The following ZNF284 variants were observed in gnomAD, a reference collection of about 807,000 sequenced individuals.
ZNF284 encodes zinc finger protein 284.
ZNF284 carries 12 observed loss-of-function variants against 12.9 expected under a neutral mutation model. The observed-to-expected ratio is 0.93, with a 90% CI of 0.60 to 1.51. The LOEUF is 1.51. Ranked by LOEUF, ZNF284 falls within the 40% of genes most tolerant of loss-of-function variation. The pLI, the probability that ZNF284 is intolerant of heterozygous loss-of-function variation, is 0.00. For synonymous variants in ZNF284, 225 were observed against 236.5 expected, an observed-to-expected ratio of 0.95 and a Z score of 0.45; for missense variants, 667 against 707.3, an observed-to-expected ratio of 0.94 and a Z score of 0.65.
chr19:44,073,825 GGC>G (rs1168815166), intron 1 of ZNF284, among the ~76,000 whole-genome samples: 1 of 152,010 alleles, frequency 6.6e-6, no homozygotes, highest in African/African-American at 2.4e-5. Flanking sequence ...TGGGATTACA[GGC>G]GTGAGCCACC....
At chr19:44,073,033 A>G (rs570400738) in intron 1 of ZNF284, among the ~76,000 whole-genome samples, 1 of 152,320 alleles carries the variant, frequency 6.6e-6, no homozygotes, top group East Asian at 1.9e-4. Context: ...GGGTGTTGAT[A>G]ATAATTAAGC....
intron 2 of ZNF284, among the ~76,000 whole-genome samples, chr19:44,077,585 T>C (rs543578547): frequency 2.9e-4 from 43 of 150,592 alleles, no homozygotes; most frequent in Non-Finnish European, 5.5e-4. Flanking sequence ...GTAGCTTTAG[T>C]TTCAAATGTC....
chr19:44,076,335 T>C lies in ZNF284; in HGVS notation c.-55T>C. On this transcript the variant is annotated 5_prime_UTR_variant, in exon 2 of 5. Transcript: ENST00000421176. ...GGCATGTTTCAGGCACAATTCTGTC[T>C]TCTCTTGAACTGCATAACTGAGAAC... 6 of 1,582,966 alleles carry C rather than the reference T, an allele frequency of 3.8e-6. No individual in the cohort carries two copies. The highest frequency in any genetic ancestry group is 5.2e-6 in the Non-Finnish European group (6 of 1,161,212).
At chr19:44,074,903 C>T (rs1967004468) in intron 1 of ZNF284, among the ~76,000 whole-genome samples, 1 of 151,944 alleles carries the variant, frequency 6.6e-6, no homozygotes, top group South Asian at 2.1e-4. Flanking sequence ...GGGAGGCTGA[C>T]GCATAAGAAT....
At chr19:44,077,011 G>T (rs1427290901) in intron 2 of ZNF284, among the ~76,000 whole-genome samples, 1 of 151,986 alleles carries the variant, frequency 6.6e-6, no homozygotes, top group Non-Finnish European at 1.5e-5. Context: ...GTAGAGACGG[G>T]GTTTCACCAT....
intron 3 of ZNF284, 81 bp downstream of exon 3, chr19:44,081,222 C>T: frequency 6.8e-7 from 1 of 1,473,736 alleles, no homozygotes; most frequent in Non-Finnish European, 9.1e-7. Flanking sequence ...TTAGTTTGTT[C>T]TTATGCTGCT....
chr19:44,074,641 T>G (rs976008272), intron 1 of ZNF284, among the ~76,000 whole-genome samples: 1 of 152,078 alleles, frequency 6.6e-6, no homozygotes, highest in African/African-American at 2.4e-5. Context: ...AAAGGGCTGG[T>G]TATAGGGTTT....
At chr19:44,080,101 G>A (rs1284439520) in intron 2 of ZNF284, among the ~76,000 whole-genome samples, 1 of 152,188 alleles carries the variant, frequency 6.6e-6, no homozygotes. Context: ...AGGTCACGTG[G>A]CTGGGAAGGC....
intron 4 of ZNF284, among the ~76,000 whole-genome samples, chr19:44,083,464 T>TAGAG (rs1308254748): frequency 3.4e-5 from 2 of 59,542 alleles, no homozygotes; most frequent in African/African-American, 5.2e-5. Context: ...TATATATATA[T>TAGAG]ATATATATAT....
rs1463439465 is a variant in ZNF284 at position 44,079,601 on chromosome 19, C to CGGGA, written c.16-1411_16-1408dup. ...GTGGGCGCCTGTAGTCCCAGCTACT[C>CGGGA]GGGAGGCTGAGGCAGGAGAATGGTG... On this transcript the variant is annotated intron_variant, in intron 2 of 4. Transcript: ENST00000421176. 4.0e-5 allele frequency among the ~76,000 whole-genome samples: 6 copies of CGGGA among 151,274 alleles called. No homozygotes were observed. In the East Asian group the frequency reaches 1.2e-3, roughly 29 times the overall value.
intron 4 of ZNF284, among the ~76,000 whole-genome samples, chr19:44,084,654 A>T (rs1401219966): frequency 1.3e-5 from 2 of 152,050 alleles, no homozygotes; most frequent in Non-Finnish European, 2.9e-5. Context: ...TCCCTAGAGT[A>T]TGGGACACTA....
chr19:44,086,473 G>A lies in ZNF284; in HGVS notation c.995G>A (p.Ser332Asn). The A allele has an allele frequency of 6.2e-7, 1 of 1,614,174 alleles. No homozygotes were observed. The highest frequency in any genetic ancestry group is 8.5e-7 in the Non-Finnish European group (1 of 1,180,036). Residue 332 changes from serine (S) to asparagine (N), a missense_variant, in exon 5 of 5, where the codon AGT (serine) becomes AAT (asparagine). Transcript: ENST00000421176. ...NSFGQRSALNSHCMDHTKEKL... is the reference protein window; with the variant it reads ...NSFGQRSALNNHCMDHTKEKL... ...TTTGGTCAGAGATCAGCACTTAATA[G>A]TCATTGCATGGACCACACAAAAGAG...
At position 44,081,127 on chromosome 19, in the gene ZNF284, A is replaced by C. The variant is rs1384889345; in HGVS notation, c.128A>C (p.Asn43Thr). 6.2e-7 allele frequency: 1 copy of C among 1,612,008 alleles called. No homozygotes were observed. Among genetic ancestry groups the C allele is most frequent in the Admixed American group, 1.7e-5 (1 of 59,938 alleles). Residue 43 changes from asparagine (N) to threonine (T), a missense_variant, in exon 3 of 5, where the codon AAC (asparagine) becomes ACC (threonine). Asn to Thr is a moderately conservative substitution (Grantham distance 65, BLOSUM62 0). Coordinates refer to ENST00000421176, the MANE Select transcript of ZNF284 (RefSeq NM_001037813.4). ...YRDVMLENFRNLLSVGHQLSH... is the reference protein window; with the variant it reads ...YRDVMLENFRTLLSVGHQLSH... Reference sequence around the variant, plus strand: ...GATGTCATGCTGGAGAACTTCAGAAACCTGCTATCAGTGGGTGAGCACAGG... The same window carrying C: ...GATGTCATGCTGGAGAACTTCAGAACCCTGCTATCAGTGGGTGAGCACAGG...
chr19:44,078,950 T>C (rs6509139), intron 2 of ZNF284, among the ~76,000 whole-genome samples: 125,390 of 151,912 alleles, frequency 0.83, 52,166 homozygotes, highest in Non-Finnish European at 0.88. Context: ...GCCACCATGC[T>C]CGGCTAATTT....
intron 2 of ZNF284, among the ~76,000 whole-genome samples, chr19:44,080,011 C>A (rs73558264): frequency 0.029 from 4,410 of 152,260 alleles, 213 homozygotes; most frequent in African/African-American, 0.1. Context: ...CATTTATATT[C>A]TCTTGCTTAT....
In ZNF284 at chr19:44,085,869, T is replaced by G; in HGVS notation, c.391T>G (p.Ser131Ala). The G allele has an allele frequency of 6.2e-7, 1 of 1,614,128 alleles. No individual in the cohort carries two copies. The highest frequency in any genetic ancestry group is 8.5e-7 in the Non-Finnish European group (1 of 1,179,990). ...SQFSTQGDVP[S>A]QVDAGLSIIH... ...GTTCTCCACACAAGGTGATGTCCCCTCCCAGGTTGACGCAGGACTATCTAT... is the reference window on the plus strand; with the variant it reads ...GTTCTCCACACAAGGTGATGTCCCCGCCCAGGTTGACGCAGGACTATCTAT... Residue 131 changes from serine (S) to alanine (A), a missense_variant, in exon 5 of 5, where the codon TCC becomes GCC. Ser to Ala is a moderately conservative substitution (Grantham distance 99). Coordinates refer to ENST00000421176, the MANE Select transcript of ZNF284 (RefSeq NM_001037813.4).
intron 4 of ZNF284, among the ~76,000 whole-genome samples, chr19:44,083,474 T>TATATATATATAGAG (rs746837013): frequency 4.2e-4 from 27 of 64,916 alleles, no homozygotes; most frequent in African/African-American, 1.0e-3. Context: ...TATATATATA[T>TATATATATATAGAG]AGAGAGAGAG....
At position 44,086,391 on chromosome 19, in the gene ZNF284, C is replaced by A; in HGVS notation, c.913C>A (p.His305Asn). Reference sequence around the variant, plus strand: ...CCATAGTAGATCAAATCTTAATAGGCATTCCATGGTCCACATGCAAGAGAA... The same window carrying A: ...CCATAGTAGATCAAATCTTAATAGGAATTCCATGGTCCACATGCAAGAGAA... Reference protein sequence around the residue: ...SFHSRSNLNRHSMVHMQEKSF... With the variant: ...SFHSRSNLNRNSMVHMQEKSF... The change falls in exon 5 of 5, where the codon CAT becomes AAT. Residue 305 changes from histidine to asparagine, a missense_variant. Coordinates refer to ENST00000421176, the MANE Select transcript of ZNF284 (RefSeq NM_001037813.4). 1 of 1,614,008 alleles carries A rather than the reference C, an allele frequency of 6.2e-7. No homozygotes were observed. The highest frequency in any genetic ancestry group is 1.3e-5 in the African/African-American group (1 of 75,048).
chr19:44,080,700 C>A (rs1344588101), intron 2 of ZNF284, among the ~76,000 whole-genome samples: 1 of 152,202 alleles, frequency 6.6e-6, no homozygotes, highest in African/African-American at 2.4e-5. Context: ...GAGCAACTGG[C>A]AAGATTCATT....
Sources: allele counts gnomAD v4.1 joint callset (sites outside exome capture counted in the v4.1 genomes callset), GRCh38; gene constraint gnomAD v4.1.1; transcripts MANE v1.5; gene names NCBI Gene and HGNC (gene_info 2026-07-23, HGNC 2026-07-21).